DOCK10: variants seen among roughly 807,000 people sequenced by gnomAD.
DOCK10 encodes dedicator of cytokinesis 10, also known as dedicator of cytokinesis protein 10.
A neutral mutation model predicts 280.1 loss-of-function variants in DOCK10; 145 were observed. That is an observed-to-expected ratio of 0.52 (90% CI 0.45 to 0.59). DOCK10 has a LOEUF of 0.59. Among genes scored for constraint, DOCK10 ranks in the 20% least tolerant of loss-of-function variants. The pLI, the probability that DOCK10 is intolerant of heterozygous loss-of-function variation, is 0.00. For synonymous variants in DOCK10, 915 were observed against 942.2 expected, an observed-to-expected ratio of 0.97 and a Z score of 0.53; for missense variants, 2,368 against 2,651.7, an observed-to-expected ratio of 0.89 and a Z score of 2.35.
Position 224,886,110 on chromosome 2 carries a change from A to G in DOCK10, c.565T>C (p.Tyr189His). The part of the protein sequence containing the change: ...GTGVFKSGWL[Y>H]KGNFNSTVNN... ...ACGGTGCTGTTAAAATTCCCCTTGT[A>G]GAGCCAGCCGGACTTGAAAACACCA... Residue 189 changes from tyrosine to histidine, a missense_variant, in exon 6 of 56, where the codon TAC becomes CAC. By Grantham distance (83) the Tyr-to-His change is moderately conservative. Transcript: ENST00000258390. 6.2e-7 allele frequency: 1 copy of G among 1,613,900 alleles called. No homozygotes were observed.
chr2:224,983,612 C>A, intron 1 of DOCK10: 1 of 353,690 alleles, frequency 2.8e-6, no homozygotes, highest in South Asian at 2.3e-5. Flanking sequence ...GCCCCAGCCT[C>A]AGTGAGGTTG....
In DOCK10 at chr2:224,885,708, C is replaced by G. The variant is rs1176233306; in HGVS notation, c.710G>C (p.Gly237Ala). 1 of 1,613,172 alleles carries G rather than the reference C, an allele frequency of 6.2e-7. No individual in the cohort carries two copies. Among genetic ancestry groups the G allele is most frequent in the South Asian group, 1.1e-5 (1 of 90,952 alleles). The change falls in exon 7 of 56, where the codon GGA becomes GCA. Residue 237 changes from glycine to alanine, a missense_variant. Physicochemically the swap from Gly to Ala is moderately conservative, Grantham distance 60. Coordinates refer to ENST00000258390, the MANE Select transcript of DOCK10 (RefSeq NM_014689.3). ...KDEKISKEPK[G>A]CIFLDSCTGV... ...TGTACAGGAATCCAAAAAGATGCAT[C>G]CTTTGGGTTCTTTGGATATTTTCTC... is the stretch of plus-strand genomic sequence containing the variant.
intron 1 of DOCK10, among the ~76,000 whole-genome samples, chr2:224,996,491 T>C (rs547795538): frequency 1.5e-4 from 23 of 152,338 alleles, no homozygotes; most frequent in African/African-American, 5.1e-4. Flanking sequence ...AGGATGCCCA[T>C]ATAATTGACC....
intron 22 of DOCK10, among the ~76,000 whole-genome samples, chr2:224,842,592 CGT>C (rs148457661): frequency 6.6e-6 from 1 of 151,800 alleles, no homozygotes; most frequent in Non-Finnish European, 1.5e-5. Flanking sequence ...TGTGTGTGCG[CGT>C]GTGTGTGTGT....
intron 3 of DOCK10, among the ~76,000 whole-genome samples, chr2:224,897,731 C>T (rs774518169): frequency 2.0e-5 from 3 of 152,156 alleles, no homozygotes; most frequent in African/African-American, 7.2e-5. Flanking sequence ...ATGTGAATAA[C>T]TGATAAGCAA....
chr2:224,854,985 G>T lies in DOCK10; in HGVS notation c.1866C>A (p.Asp622Glu). The change falls in exon 16 of 56, where the codon GAC (aspartate) becomes GAA (glutamate). Residue 622 changes from aspartate (D) to glutamate (E), a missense_variant. By Grantham distance (45) the Asp-to-Glu change is conservative. Transcript: ENST00000258390. ...TIPGSLDIAVDNVPLEHPNCV... is the reference protein window; with the variant it reads ...TIPGSLDIAVENVPLEHPNCV... Reference sequence around the variant, plus strand: ...TACTTGGATGCTCCAAGGGAACGTTGTCAACAGCAATATCCAGGCTTCCAG... The same window carrying T: ...TACTTGGATGCTCCAAGGGAACGTTTTCAACAGCAATATCCAGGCTTCCAG... 1 of 1,608,952 alleles carries T rather than the reference G, an allele frequency of 6.2e-7. No homozygotes were observed. The highest frequency in any genetic ancestry group is 8.5e-7 in the Non-Finnish European group (1 of 1,177,600).
intron 2 of DOCK10, among the ~76,000 whole-genome samples, chr2:224,921,112 A>AAAATATATATATATATAT: frequency 5.5e-5 from 3 of 54,410 alleles, no homozygotes; most frequent in African/African-American, 1.6e-4. Flanking sequence ...AAAAAAAAAA[A>AAAATATATATATATATAT]ATATATATAT....
intron 30 of DOCK10, among the ~76,000 whole-genome samples, chr2:224,815,050 A>T (rs1367121380): frequency 6.6e-6 from 1 of 152,172 alleles, no homozygotes; most frequent in Non-Finnish European, 1.5e-5. Flanking sequence ...TTCATCTTGA[A>T]TTGTAATCCA....
At position 225,013,718 on chromosome 2, in the gene DOCK10, A is replaced by G. The variant is rs114718952; in HGVS notation, c.123+28534T>C. ...GAACAGGCTTGAGTGAAGGCATCCT[A>G]CATGTGCAGTGCTTACTGCCAGTTT... is the stretch of plus-strand genomic sequence containing the variant. On this transcript the variant is annotated intron_variant, in intron 1 of 55. Transcript: ENST00000258390. Among the ~76,000 whole-genome samples, 1,038 of 152,244 alleles carry G rather than the reference A, an allele frequency of 6.8e-3. 21 individuals are homozygous for G. Among genetic ancestry groups the G allele is most frequent in the African/African-American group, 0.023 (968 of 41,544 alleles).
In DOCK10 at chr2:224,770,083, A is replaced by C; in HGVS notation, c.6444+128T>G. ...GTGGTGTGCACGGGAGAGAGAACAG[A>C]TCAGCAACATGGTGCTGATGCAGTG... is the stretch of plus-strand genomic sequence containing the variant. On this transcript the variant is annotated intron_variant, in intron 55 of 55. Coordinates refer to ENST00000258390, the MANE Select transcript of DOCK10 (RefSeq NM_014689.3). This position sits in a 1 kb window ranked among gnomAD's most constrained non-coding sequence, Gnocchi z 4.5. 1 of 1,124,982 alleles carries C rather than the reference A, an allele frequency of 8.9e-7. No individual in the cohort carries two copies. The highest frequency in any genetic ancestry group is 1.2e-6 in the Non-Finnish European group (1 of 836,222). 69.7% of individuals were successfully genotyped at this position (1,124,982 alleles called of 1,614,324 possible).
At chr2:224,810,933 C>T (rs1040741758) in intron 31 of DOCK10, among the ~76,000 whole-genome samples, 6 of 151,958 alleles carry the variant, frequency 3.9e-5, no homozygotes, top group South Asian at 4.2e-4. Context: ...TGAATAGTGC[C>T]GCAATAAACA....
intron 1 of DOCK10, among the ~76,000 whole-genome samples, chr2:225,021,278 G>C (rs1689777574): frequency 6.6e-6 from 1 of 152,176 alleles, no homozygotes; most frequent in South Asian, 2.1e-4. Flanking sequence ...GAACCTGGCA[G>C]GTAACAGACG....
chr2:225,040,018 C>A (rs973827036), intron 1 of DOCK10, among the ~76,000 whole-genome samples: 1 of 152,208 alleles, frequency 6.6e-6, no homozygotes, highest in Non-Finnish European at 1.5e-5. Flanking sequence ...TTTTCCCCAA[C>A]ATCCTATCAT....
At chr2:224,981,571 C>G (rs2126253105) in intron 1 of DOCK10, among the ~76,000 whole-genome samples, 1 of 152,210 alleles carries the variant, frequency 6.6e-6, no homozygotes, top group South Asian at 2.1e-4. Context: ...GCTGATCAAA[C>G]AGATGCACAA....
chr2:224,936,918 G>T (rs1702724957), intron 1 of DOCK10, among the ~76,000 whole-genome samples: 1 of 152,062 alleles, frequency 6.6e-6, no homozygotes, highest in Admixed American at 6.5e-5. Flanking sequence ...CACCAGAGAG[G>T]CAGCCTAGAA....
intron 50 of DOCK10, among the ~76,000 whole-genome samples, chr2:224,782,967 T>G (rs1410490102): frequency 6.6e-6 from 1 of 152,238 alleles, no homozygotes; most frequent in Non-Finnish European, 1.5e-5. Flanking sequence ...ACCTTCATTC[T>G]GTACACGTTC....
intron 30 of DOCK10, 62 bp from the exon 31 acceptor site, chr2:224,814,426 T>TC: frequency 1.1e-6 from 1 of 898,640 alleles, no homozygotes; most frequent in Non-Finnish European, 1.6e-6. Context: ...TACATATGTA[T>TC]TCATTATGTG....
chr2:224,856,428 G>T (rs1348104192), intron 15 of DOCK10, among the ~76,000 whole-genome samples: 1 of 152,166 alleles, frequency 6.6e-6, no homozygotes, highest in Non-Finnish European at 1.5e-5. Flanking sequence ...GAAGCCTATG[G>T]TATGGATTTT....
At chr2:224,776,140 T>A (rs1383061613) in intron 51 of DOCK10, among the ~76,000 whole-genome samples, 1 of 151,570 alleles carries the variant, frequency 6.6e-6, no homozygotes, top group Non-Finnish European at 1.5e-5. Context: ...AGAGCTGGAG[T>A]TCTCAGCTTT....
Sources: gnomAD v4.1 joint callset for allele counts (sites outside exome capture counted in the v4.1 genomes callset) on GRCh38, gnomAD v4.1.1 for gene constraint, Gnocchi (gnomAD v3.1) non-coding constraint, MANE v1.5 for transcripts, NCBI Gene and HGNC (gene_info 2026-07-23, HGNC 2026-07-21) for gene names.